The following KCNIP4 variants were observed in gnomAD, a reference collection of about 807,000 sequenced individuals.
KCNIP4 encodes the protein Kv channel-interacting protein 4.
KCNIP4 carries 12 observed loss-of-function variants against 34.0 expected under a neutral mutation model. That is an observed-to-expected ratio of 0.35 (90% CI 0.23 to 0.57). The LOEUF (loss-of-function observed/expected upper bound fraction) is 0.57, where lower values mean the gene tolerates loss of function less well. KCNIP4 is among the 20% of genes least tolerant of loss of function. The pLI, the probability that KCNIP4 is intolerant of heterozygous loss-of-function variation, is 0.83. For missense variants in KCNIP4, 238 were observed against 311.7 expected, an observed-to-expected ratio of 0.76 and a Z score of 1.78; for synonymous variants, 124 against 102.2, an observed-to-expected ratio of 1.21 and a Z score of -1.29.
chr4:21,785,063 CA>C (rs1353862368), intron 1 of KCNIP4, among the ~76,000 whole-genome samples: 4 of 152,130 alleles, frequency 2.6e-5, no homozygotes, highest in Non-Finnish European at 5.9e-5. Context: ...ACACGTACAG[CA>C]GTAAAGATTG....
chr4:20,781,865 C>T (rs186508911), intron 3 of KCNIP4, among the ~76,000 whole-genome samples: 69 of 152,200 alleles, frequency 4.5e-4, no homozygotes, highest in African/African-American at 1.5e-3. Flanking sequence ...AGAATTAATC[C>T]GAAAGTCCAC....
At chr4:21,039,212 A>C (rs1001462569) in intron 1 of KCNIP4, among the ~76,000 whole-genome samples, 1 of 152,038 alleles carries the variant, frequency 6.6e-6, no homozygotes, top group Non-Finnish European at 1.5e-5. Flanking sequence ...ATACAAAAAA[A>C]TTAGCTGGAC....
chr4:21,443,477 T>C (rs964125789), intron 1 of KCNIP4, among the ~76,000 whole-genome samples: 9 of 152,312 alleles, frequency 5.9e-5, no homozygotes, highest in East Asian at 1.9e-4. Flanking sequence ...ATGTGATTAA[T>C]ATTTAAATAA....
At chr4:21,897,822 A>T (rs1727484074) in intron 1 of KCNIP4, among the ~76,000 whole-genome samples, 1 of 152,160 alleles carries the variant, frequency 6.6e-6, no homozygotes, top group South Asian at 2.1e-4. Context: ...CATTCGCAGC[A>T]CCTGGTTTTA....
At chr4:21,426,254 T>A (rs1247686398) in intron 1 of KCNIP4, among the ~76,000 whole-genome samples, 2 of 151,920 alleles carry the variant, frequency 1.3e-5, no homozygotes, top group African/African-American at 4.8e-5. Context: ...GAAACCAGAG[T>A]AGTTTAGTGA....
intron 3 of KCNIP4, among the ~76,000 whole-genome samples, chr4:20,830,268 T>C (rs1490949573): frequency 6.6e-6 from 1 of 152,190 alleles, no homozygotes; most frequent in African/African-American, 2.4e-5. Flanking sequence ...TAAATCCCTT[T>C]ACAGGTAATC....
At chr4:21,058,427 C>A (rs1002609056) in intron 1 of KCNIP4, among the ~76,000 whole-genome samples, 1 of 152,066 alleles carries the variant, frequency 6.6e-6, no homozygotes, top group African/African-American at 2.4e-5. Flanking sequence ...AGCTCATTGT[C>A]CAGACTTGGA....
intron 1 of KCNIP4, among the ~76,000 whole-genome samples, chr4:21,090,147 C>A (rs1452279117): frequency 6.6e-6 from 1 of 152,156 alleles, no homozygotes; most frequent in African/African-American, 2.4e-5. Context: ...ACACGTATAG[C>A]CTGTTCTCTT....
At chr4:21,268,707 C>T (rs2109126821) in intron 1 of KCNIP4, among the ~76,000 whole-genome samples, 1 of 152,312 alleles carries the variant, frequency 6.6e-6, no homozygotes, top group South Asian at 2.1e-4. Context: ...ACACCTCATT[C>T]ACCAATATTT....
intron 1 of KCNIP4, among the ~76,000 whole-genome samples, chr4:21,815,321 C>A (rs190245843): frequency 1.1e-4 from 16 of 152,062 alleles, no homozygotes; most frequent in African/African-American, 2.7e-4. Flanking sequence ...ATGGGGATAC[C>A]AGTAAGGATT....
chr4:21,022,967 C>T (rs1740206440), intron 1 of KCNIP4, among the ~76,000 whole-genome samples: 1 of 152,144 alleles, frequency 6.6e-6, no homozygotes, highest in South Asian at 2.1e-4. Context: ...GGATTACAGG[C>T]ACACACCACC....
intron 1 of KCNIP4, among the ~76,000 whole-genome samples, chr4:21,795,532 T>C (rs1444707787): frequency 6.6e-6 from 1 of 152,084 alleles, no homozygotes; most frequent in Non-Finnish European, 1.5e-5. Context: ...AACAAATAGG[T>C]CACCAAGGAT....
At chr4:21,706,162 A>T (rs1225403208) in intron 1 of KCNIP4, among the ~76,000 whole-genome samples, 1 of 152,192 alleles carries the variant, frequency 6.6e-6, no homozygotes, top group East Asian at 1.9e-4. Flanking sequence ...CAATATCAAG[A>T]ATCAAGAGTT....
chr4:21,091,773 G>A (rs11945794), intron 1 of KCNIP4, among the ~76,000 whole-genome samples: 25,580 of 152,028 alleles, frequency 0.17, 2,236 homozygotes, highest in East Asian at 0.24. Flanking sequence ...AGAGAACTCT[G>A]TGGAGTTCCT....
chr4:21,483,020 T>G (rs947293425), intron 1 of KCNIP4, among the ~76,000 whole-genome samples: 2 of 141,486 alleles, frequency 1.4e-5, no homozygotes, highest in Non-Finnish European at 3.0e-5. Context: ...TAGGTGGGAA[T>G]TGAACAATGA....
chr4:21,791,243 G>A (rs937798764), intron 1 of KCNIP4, among the ~76,000 whole-genome samples: 2 of 152,060 alleles, frequency 1.3e-5, no homozygotes, highest in African/African-American at 2.4e-5. Context: ...TGGGGCAAGC[G>A]AGCTCTGAGT....
At chr4:20,897,507 C>T (rs1369820900) in intron 1 of KCNIP4, among the ~76,000 whole-genome samples, 1 of 152,064 alleles carries the variant, frequency 6.6e-6, no homozygotes, top group African/African-American at 2.4e-5. Context: ...GTACCTGCCC[C>T]TCCCTCCCCC....
At position 20,783,900 on chromosome 4, in the gene KCNIP4, T is replaced by C. The variant is rs185150053; in HGVS notation, c.289-25010A>G. Among the ~76,000 whole-genome samples the C allele has an allele frequency of 3.3e-3, 502 of 152,290 alleles. 11 individuals carry two copies. The highest frequency in any genetic ancestry group is 7.8e-4 in the Non-Finnish European group (53 of 68,020). On this transcript the variant is annotated intron_variant, in intron 3 of 8. Coordinates refer to ENST00000382152, the MANE Select transcript of KCNIP4 (RefSeq NM_025221.6). Reference sequence around the variant, plus strand: ...CATTTCATCAGCACTGTTTTTTGTTTGGTTGGTTGGTTGTTTTGAGCCCTT... The same window carrying C: ...CATTTCATCAGCACTGTTTTTTGTTCGGTTGGTTGGTTGTTTTGAGCCCTT...
At chr4:21,641,070 G>A (rs115073223) in intron 1 of KCNIP4, among the ~76,000 whole-genome samples, 6,772 of 152,224 alleles carry the variant, frequency 0.044, 210 homozygotes, top group Middle Eastern at 0.079. Flanking sequence ...TGAACTGGCC[G>A]TTACCTGTCC....
Sources: allele counts gnomAD v4.1 joint callset (sites outside exome capture counted in the v4.1 genomes callset), GRCh38; gene constraint gnomAD v4.1.1; transcripts MANE v1.5; gene names NCBI Gene and HGNC (gene_info 2026-07-23, HGNC 2026-07-21).